The following MYH13 variants were observed in gnomAD, a reference collection of about 807,000 sequenced individuals.
MYH13 encodes myosin heavy chain 13.
A neutral mutation model predicts 232.1 loss-of-function variants in MYH13; 177 were observed. That is an observed-to-expected ratio of 0.76 (90% CI 0.67 to 0.86). The LOEUF is 0.86. Among genes scored for constraint, MYH13 ranks in the 40% least tolerant of loss-of-function variants. The probability of loss-of-function intolerance (pLI) is 0.00; values close to 1 mark genes in which losing one functional copy is unlikely to be tolerated. For synonymous variants in MYH13, 884 were observed against 923.5 expected (o/e 0.96, Z 0.78); for missense variants, 2,246 against 2,405.9 (o/e 0.93, Z 1.39).
chr17:10,320,313 T>G, intron 25 of MYH13, 38 bp downstream of exon 25: 1 of 1,609,278 alleles, frequency 6.2e-7, no homozygotes, highest in Non-Finnish European at 8.5e-7. Context: ...AAGTTGGCTT[T>G]TAGGCTGAGA....
intron 33 of MYH13, among the ~76,000 whole-genome samples, chr17:10,310,215 C>T (rs969351844): frequency 7.2e-5 from 11 of 151,790 alleles, no homozygotes; most frequent in African/African-American, 2.2e-4. Context: ...CTCAGCCTCC[C>T]GAGTAGTTGG....
intron 11 of MYH13, 141 bp from the exon 12 acceptor site, chr17:10,350,835 G>C: frequency 9.2e-7 from 1 of 1,089,784 alleles, no homozygotes; most frequent in Non-Finnish European, 1.4e-6. Context: ...GTGGGGATGT[G>C]GTAAATTAGA....
chr17:10,312,770 G>GA lies in MYH13; in HGVS notation c.4182-14dup. 2 of 1,599,786 alleles carry GA rather than the reference G, an allele frequency of 1.3e-6. No homozygotes were observed. The highest frequency in any genetic ancestry group is 1.7e-6 in the Non-Finnish European group (2 of 1,175,020). Reference sequence around the variant, plus strand: ...GGCCAGTTTTTTCCTACGAAAACCAGATTTTTTTTTTCCCCTTCGCAAAGG... The same window carrying GA: ...GGCCAGTTTTTTCCTACGAAAACCAGAATTTTTTTTTTCCCCTTCGCAAAGG... On this transcript the variant is annotated splice_polypyrimidine_tract_variant and intron_variant, in intron 30 of 40. Coordinates refer to ENST00000252172, the MANE Select transcript of MYH13 (RefSeq NM_003802.3).
chr17:10,301,669 C>T lies in MYH13; in HGVS notation c.5702G>A (p.Arg1901Gln), dbSNP rs771990352. The change falls in exon 40 of 41, where the codon CGG (arginine) becomes CAG (glutamine). Residue 1901 changes from arginine to glutamine, a missense_variant. By Grantham distance (43) the Arg-to-Gln change is conservative. Transcript: ENST00000252172. ...CTCCTCTAGCTCATGCTGGACTCTC[C>T]GGCATCTGGACAGCTGCGTGTTGGC... ...EQANTQLSRC[R>Q]RVQHELEEAA... is the part of the protein sequence containing the mutation. 2.7e-5 allele frequency: 44 copies of T among 1,614,046 alleles called. No individual in the cohort carries two copies. In the East Asian group the frequency reaches 4.7e-4, roughly 17 times the overall value.
In MYH13 at chr17:10,362,363, G is replaced by C. The variant is rs776025803; in HGVS notation, c.345C>G (p.Ile115Met). 6.2e-7 allele frequency: 1 copy of C among 1,614,158 alleles called. No homozygotes were observed. The highest frequency in any genetic ancestry group is 1.3e-5 in the African/African-American group (1 of 75,028). Residue 115 changes from isoleucine to methionine, a missense_variant, in exon 4 of 41, where the codon ATC becomes ATG. By Grantham distance (10) the Ile-to-Met change is conservative (BLOSUM62 1). Coordinates refer to ENST00000252172, the MANE Select transcript of MYH13 (RefSeq NM_003802.3). ...AAAGGTGTTTACAGACACTCACGTAGATCATCCAGGCTGCATAGCGCTCTT... is the reference window on the plus strand; with the variant it reads ...AAAGGTGTTTACAGACACTCACGTACATCATCCAGGCTGCATAGCGCTCTT... ...NLKERYAAWMIYTYSGLFCVT... is the reference protein window; with the variant it reads ...NLKERYAAWMMYTYSGLFCVT...
chr17:10,344,536 G>A (rs1253668989), intron 15 of MYH13, among the ~76,000 whole-genome samples: 1 of 151,918 alleles, frequency 6.6e-6, no homozygotes, highest in African/African-American at 2.4e-5. Flanking sequence ...AGTTAATGTC[G>A]GCCGGGCGTG....
chr17:10,352,620 G>T (rs1373777920), intron 11 of MYH13, among the ~76,000 whole-genome samples: 2 of 151,922 alleles, frequency 1.3e-5, no homozygotes, highest in African/African-American at 4.8e-5. Flanking sequence ...CCAAAAAAAG[G>T]CTCCGTGAGA....
rs777612051 is a variant in MYH13 at position 10,362,512 on chromosome 17, T to C, written c.205-9A>G. ...TTGTTCAGAGTGAGCATCTGGGTAT[T>C]GAGAGGAAAAGCAGGTAATAAATTG... is the stretch of plus-strand genomic sequence containing the variant. On this transcript the variant is annotated splice_polypyrimidine_tract_variant and intron_variant, in intron 3 of 40. Transcript: ENST00000252172. The C allele has an allele frequency of 3.7e-6, 6 of 1,613,876 alleles. No homozygotes were observed. In the East Asian group the frequency reaches 8.9e-5, roughly 24 times the overall value.
At chr17:10,321,952 G>A (rs16943327) in intron 23 of MYH13, among the ~76,000 whole-genome samples, 8,834 of 152,174 alleles carry the variant, frequency 0.058, 290 homozygotes, top group African/African-American at 0.072. Flanking sequence ...AAGGAAGGGC[G>A]CTTTTAAAAT....
chr17:10,305,633 A>C (rs1199157051), intron 37 of MYH13, among the ~76,000 whole-genome samples: 2 of 152,172 alleles, frequency 1.3e-5, no homozygotes, highest in Non-Finnish European at 2.9e-5. Context: ...TCCCTGGGAC[A>C]AGAGACATTC....
intron 13 of MYH13, 49 bp downstream of exon 13, chr17:10,346,631 T>C (rs765252029): frequency 6.9e-7 from 1 of 1,456,554 alleles, no homozygotes; most frequent in East Asian, 2.3e-5. Flanking sequence ...AGATAATGGC[T>C]CAAATAGCAA....
chr17:10,346,333 T>C (rs1356967592), intron 13 of MYH13, among the ~76,000 whole-genome samples: 3 of 152,058 alleles, frequency 2.0e-5, no homozygotes, highest in Non-Finnish European at 4.4e-5. Flanking sequence ...GATATAAACT[T>C]GGGAGCTATG....
At chr17:10,360,441 G>A (rs1040144481) in intron 5 of MYH13, among the ~76,000 whole-genome samples, 1 of 152,162 alleles carries the variant, frequency 6.6e-6, no homozygotes, top group Non-Finnish European at 1.5e-5. Context: ...CAGTGTAGAA[G>A]TTACTCATGT....
intron 40 of MYH13, 108 bp from the exon 41 acceptor site, chr17:10,301,073 T>A: frequency 9.9e-7 from 1 of 1,012,040 alleles, no homozygotes; most frequent in South Asian, 1.3e-5. Context: ...CAGAGGAATA[T>A]TAAGGAATGG....
At chr17:10,351,171 A>G (rs536318492) in intron 11 of MYH13, among the ~76,000 whole-genome samples, 1 of 142,506 alleles carries the variant, frequency 7.0e-6, no homozygotes, top group South Asian at 2.3e-4. Flanking sequence ...GAGTGAGCCA[A>G]GATTGTACCA....
rs754918823 is a variant in MYH13, at chr17:10,311,116, A to C, written c.4643T>G (p.Leu1548Ter). ...CTAGACACTTACCTCCACTTCTTCTAAGGCGACCTGCAGATCTGACTTTTC... is the reference window on the plus strand; with the variant it reads ...CTAGACACTTACCTCCACTTCTTCTCAGGCGACCTGCAGATCTGACTTTTC... ...EQEKSDLQVALEEVEGSLEHE... is the reference protein window; with the variant it reads ...EQEKSDLQVA Residue 1548 changes from leucine to a stop codon, truncating the protein, a stop_gained, in exon 33 of 41, where the codon TTA becomes TGA. Transcript: ENST00000252172. LOFTEE classifies it high-confidence loss of function. The C allele has an allele frequency of 1.2e-6, 2 of 1,613,840 alleles. No individual in the cohort carries two copies. The highest frequency in any genetic ancestry group is 3.3e-5 in the Admixed American group (2 of 60,006).
At chr17:10,342,827 G>A (rs9897482) in intron 16 of MYH13, among the ~76,000 whole-genome samples, 118,402 of 152,062 alleles carry the variant, frequency 0.78, 46,599 homozygotes, top group East Asian at 0.88. Flanking sequence ...ATGATGGCTC[G>A]TGCCTATAAT....
chr17:10,303,096 C>T (rs1346447993), intron 39 of MYH13, 100 bp downstream of exon 39: 3 of 980,532 alleles, frequency 3.1e-6, no homozygotes, highest in African/African-American at 3.2e-5. Flanking sequence ...AAACTCAGGC[C>T]TGAGGCTCAG....
chr17:10,326,427 G>C (rs1907197350), intron 22 of MYH13, among the ~76,000 whole-genome samples: 1 of 152,206 alleles, frequency 6.6e-6, no homozygotes, highest in Non-Finnish European at 1.5e-5. Context: ...CTCTGTGAAA[G>C]AGACAATTAT....
Sources: gnomAD v4.1 joint callset for allele counts (sites outside exome capture counted in the v4.1 genomes callset) on GRCh38, gnomAD v4.1.1 for gene constraint, MANE v1.5 for transcripts, NCBI Gene and HGNC (gene_info 2026-07-23, HGNC 2026-07-21) for gene names.